IFT88: variants seen among roughly 807,000 people sequenced by gnomAD.
The protein encoded by IFT88 is intraflagellar transport protein 88 homolog.
IFT88 carries 74 observed loss-of-function variants against 119.5 expected under a neutral mutation model. That is an observed-to-expected ratio of 0.62 (90% CI 0.51 to 0.75). The LOEUF (loss-of-function observed/expected upper bound fraction) is 0.75, where lower values mean the gene tolerates loss of function less well. Among genes scored for constraint, IFT88 ranks in the 30% least tolerant of loss-of-function variants. The pLI is 0.00. For missense variants in IFT88, 961 were observed against 977.7 expected, an observed-to-expected ratio of 0.98 and a Z score of 0.23; for synonymous variants, 279 against 316.7, an observed-to-expected ratio of 0.88 and a Z score of 1.26.
At chr13:20,653,805 A>G in intron 20 of IFT88, 71 bp from the exon 21 acceptor site, 2 of 785,274 alleles carry the variant, frequency 2.5e-6, no homozygotes, top group Non-Finnish European at 4.1e-6. Flanking sequence ...AATAGTAGAT[A>G]CATAGCTTTA....
At chr13:20,663,319 A>G (rs2054131517) in intron 22 of IFT88, 179 bp from the exon 23 acceptor site, 5 of 1,510,414 alleles carry the variant, frequency 3.3e-6, no homozygotes, top group Non-Finnish European at 4.4e-6. Flanking sequence ...CCTCCTTCCA[A>G]GGAAGTCAGT....
At chr13:20,659,025 C>CA (rs1427403258) in intron 22 of IFT88, among the ~76,000 whole-genome samples, 1 of 152,234 alleles carries the variant, frequency 6.6e-6, no homozygotes, top group Admixed American at 6.5e-5. Flanking sequence ...GTAGAAAAAA[C>CA]ATTTACACCC....
At chr13:20,577,798 T>A (rs1282345553) in intron 2 of IFT88, among the ~76,000 whole-genome samples, 1 of 152,160 alleles carries the variant, frequency 6.6e-6, no homozygotes, top group Non-Finnish European at 1.5e-5. Flanking sequence ...TCATCAGGGA[T>A]GTTGGTCTAT....
intron 20 of IFT88, among the ~76,000 whole-genome samples, chr13:20,647,579 A>T (rs1022478186): frequency 5.3e-5 from 8 of 152,152 alleles, no homozygotes; most frequent in African/African-American, 1.9e-4. Flanking sequence ...TTTTCTTTAC[A>T]TTCATAAATC....
At chr13:20,646,622 C>T (rs1002919939) in intron 20 of IFT88, among the ~76,000 whole-genome samples, 3 of 151,886 alleles carry the variant, frequency 2.0e-5, no homozygotes, top group African/African-American at 7.3e-5. Flanking sequence ...CCAGCCTACA[C>T]CAATAAAATC....
At chr13:20,672,144 G>A (rs1386695558) in intron 24 of IFT88, among the ~76,000 whole-genome samples, 1 of 152,092 alleles carries the variant, frequency 6.6e-6, no homozygotes, top group Non-Finnish European at 1.5e-5. Context: ...TTGGGACAAA[G>A]ACTCCTTGAA....
chr13:20,608,303 C>T, intron 13 of IFT88, among the ~76,000 whole-genome samples: 1 of 152,180 alleles, frequency 6.6e-6, no homozygotes, highest in East Asian at 1.9e-4. Context: ...TCCTGGCGCC[C>T]CATGAGCCAC....
At chr13:20,690,128 C>T (rs2058336869) in intron 24 of IFT88, among the ~76,000 whole-genome samples, 1 of 152,060 alleles carries the variant, frequency 6.6e-6, no homozygotes, top group African/African-American at 2.4e-5. Context: ...AAACTATATT[C>T]AAAAACGAAA....
intron 2 of IFT88, among the ~76,000 whole-genome samples, chr13:20,581,549 G>A (rs904553754): frequency 2.0e-5 from 3 of 152,174 alleles, no homozygotes; most frequent in Non-Finnish European, 4.4e-5. Context: ...GTAATTTTAT[G>A]TAGTTGATAT....
chr13:20,667,812 A>G (rs1038168977), intron 23 of IFT88, among the ~76,000 whole-genome samples: 6 of 151,976 alleles, frequency 3.9e-5, no homozygotes, highest in Admixed American at 1.3e-4. Flanking sequence ...GGCCCCACAC[A>G]TTCTGGATCT....
At chr13:20,615,009 G>T (rs2045357022) in intron 13 of IFT88, among the ~76,000 whole-genome samples, 3 of 151,948 alleles carry the variant, frequency 2.0e-5, no homozygotes, top group Admixed American at 2.0e-4. Context: ...TAGAGACGGG[G>T]TTTCACCATG....
chr13:20,655,596 C>T (rs559107121), intron 21 of IFT88, among the ~76,000 whole-genome samples: 3 of 152,042 alleles, frequency 2.0e-5, no homozygotes, highest in Non-Finnish European at 4.4e-5. Context: ...TGGGTTCAAG[C>T]GATTCTCCTG....
rs778732698 is a variant in IFT88, at chr13:20,592,420, T to C, written c.398+16T>C. ...AAAAAGATAGGTATGTAAGTCCTTA[T>C]GTTGTTGTTTGTTGTTGTTGCTGCA... On this transcript the variant is annotated intron_variant, in intron 7 of 25. Coordinates refer to ENST00000351808, the MANE Select transcript of IFT88 (RefSeq NM_006531.5). 1 of 1,508,254 alleles carries C rather than the reference T, an allele frequency of 6.6e-7. No individual in the cohort carries two copies. The highest frequency in any genetic ancestry group is 1.4e-5 in the African/African-American group (1 of 70,974). The allele number at this position is 1,508,254 out of a possible 1,614,324, so 93.4% of individuals were successfully genotyped here.
intron 21 of IFT88, among the ~76,000 whole-genome samples, chr13:20,656,122 T>TAAAAAAAAA (rs60352862): frequency 0.06 from 6,314 of 104,690 alleles, 332 homozygotes; most frequent in African/African-American, 0.11. Context: ...CTCGTCTCTT[T>TAAAAAAAAA]AAAAAAAAAA....
chr13:20,569,635 GA>G (rs1314823529), intron 1 of IFT88, among the ~76,000 whole-genome samples: 35 of 151,896 alleles, frequency 2.3e-4, no homozygotes, highest in African/African-American at 8.5e-4. Context: ...AATGTAAAAT[GA>G]TGTACAGAAT....
chr13:20,625,779 A>G lies in IFT88; in HGVS notation c.1229A>G (p.Tyr410Cys). The G allele has an allele frequency of 6.2e-7, 1 of 1,606,570 alleles. No homozygotes were observed. Among genetic ancestry groups the G allele is most frequent in the Non-Finnish European group, 8.5e-7 (1 of 1,177,848 alleles). ...WCVEVVKASQ[Y>C]VELANDLEIN... ...GTGGAAGTGGTGAAAGCTTCTCAAT[A>G]TGTAGAGCTAGCCAATGATCTGGAA... Residue 410 changes from tyrosine to cysteine, a missense_variant, in exon 15 of 26, where the codon TAT becomes TGT. Physicochemically the swap from Tyr to Cys is radical, Grantham distance 194 (BLOSUM62 -2). Coordinates refer to ENST00000351808, the MANE Select transcript of IFT88 (RefSeq NM_006531.5).
At chr13:20,638,539 T>A in intron 17 of IFT88, 21 bp downstream of exon 17, 1 of 1,366,702 alleles carries the variant, frequency 7.3e-7, no homozygotes, top group Non-Finnish European at 9.6e-7. Context: ...CAAGGGGAAA[T>A]TGCTTTTTAA....
At chr13:20,643,793 G>A (rs982269127) in intron 19 of IFT88, among the ~76,000 whole-genome samples, 188 bp downstream of exon 19, 4 of 152,112 alleles carry the variant, frequency 2.6e-5, no homozygotes, top group South Asian at 2.1e-4. Context: ...TTGCTCTGTC[G>A]CCCAGGCTGC....
chr13:20,674,442 T>TA (rs2056355226), intron 24 of IFT88, among the ~76,000 whole-genome samples: 1 of 152,134 alleles, frequency 6.6e-6, no homozygotes, highest in African/African-American at 2.4e-5. Flanking sequence ...TTTTGTGACT[T>TA]ATTTTGAGTA....
Sources: gnomAD v4.1 joint callset for allele counts (sites outside exome capture counted in the v4.1 genomes callset) on GRCh38, gnomAD v4.1.1 for gene constraint, MANE v1.5 for transcripts, NCBI Gene and HGNC (gene_info 2026-07-23, HGNC 2026-07-21) for gene names.